The following TMEM260 variants were observed in gnomAD, a reference collection of about 807,000 sequenced individuals.
TMEM260 encodes the protein transmembrane protein 260.
A neutral mutation model predicts 88.9 loss-of-function variants in TMEM260; 82 were observed. That is an observed-to-expected ratio of 0.92 (90% CI 0.77 to 1.11). TMEM260 has a LOEUF of 1.11. TMEM260 is among the 50% of genes least tolerant of loss of function. The pLI is 0.00. For synonymous variants in TMEM260, 314 were observed against 309.3 expected, an observed-to-expected ratio of 1.02 and a Z score of -0.16; for missense variants, 902 against 853.4, an observed-to-expected ratio of 1.06 and a Z score of -0.71.
rs1410174302 is a variant in TMEM260 at position 56,604,080 on chromosome 14, T to A, written c.522+88T>A. On this transcript the variant is annotated intron_variant, in intron 4 of 15. Coordinates refer to ENST00000261556, the MANE Select transcript of TMEM260 (RefSeq NM_017799.4). ...TTTTAACTTTGGCTTAAATACCTTT[T>A]ATCTATTCTGATTACAGTCGGGATA... 3.9e-6 allele frequency: 5 copies of A among 1,297,350 alleles called. No individual in the cohort carries two copies. The East Asian group carries it at 1.2e-4, about 32-fold the overall frequency. The allele number at this position is 1,297,350 out of a possible 1,614,324, so 80.4% of individuals were successfully genotyped here.
chr14:56,585,909 T>A lies in TMEM260; in HGVS notation c.341T>A (p.Phe114Tyr). ...GCATCATTACTTTTTTTCACCGTTT[T>A]CAGGTAAAGTAGTTGATTAGTTAAA... ...VAASLLFFTV[F>Y]RLSGSSAGGI... is the part of the protein sequence containing the mutation. Residue 114 changes from phenylalanine (F) to tyrosine (Y), a missense_variant, in exon 3 of 16, where the codon TTC becomes TAC. Phe to Tyr is a conservative substitution (Grantham distance 22, BLOSUM62 3). Coordinates refer to ENST00000261556, the MANE Select transcript of TMEM260 (RefSeq NM_017799.4). The A allele has an allele frequency of 6.2e-7, 1 of 1,611,982 alleles. No individual in the cohort carries two copies. The highest frequency in any genetic ancestry group is 2.2e-5 in the East Asian group (1 of 44,854).
chr14:56,625,319 TA>T, intron 11 of TMEM260, 62 bp from the exon 12 acceptor site: 1 of 1,556,074 alleles, frequency 6.4e-7, no homozygotes, highest in Non-Finnish European at 8.7e-7. Context: ...CATTACTTGA[TA>T]AACTTGATTC....
At chr14:56,637,615 A>C (rs1349305158) in intron 15 of TMEM260, among the ~76,000 whole-genome samples, 3 of 152,136 alleles carry the variant, frequency 2.0e-5, no homozygotes, top group Non-Finnish European at 4.4e-5. Flanking sequence ...AGAGGGTAGG[A>C]CCTGTATATA....
In TMEM260 at chr14:56,593,983, G is replaced by A. The variant is rs186066340; in HGVS notation, c.344+8071G>A. Reference sequence around the variant, plus strand: ...ATTACAGGCGTGAGCCACCGCGCCCGGCCGTGAGTGTCTTTTATAATACAA... The same window carrying A: ...ATTACAGGCGTGAGCCACCGCGCCCAGCCGTGAGTGTCTTTTATAATACAA... On this transcript the variant is annotated intron_variant, in intron 3 of 15. Transcript: ENST00000261556. Among the ~76,000 whole-genome samples the A allele has an allele frequency of 6.0e-3, 916 of 152,114 alleles. 10 individuals are homozygous for A. The highest frequency in any genetic ancestry group is 0.022 in the African/African-American group (894 of 41,520).
chr14:56,659,725 G>A, the TMEM260 span, among the ~76,000 whole-genome samples: 4 of 152,232 alleles, frequency 2.6e-5, no homozygotes, highest in South Asian at 2.1e-4. Context: ...GAGTGGAGGC[G>A]AAGCACCCTT....
chr14:56,646,366 G>T (rs1177462465), intron 15 of TMEM260, among the ~76,000 whole-genome samples: 2 of 152,186 alleles, frequency 1.3e-5, no homozygotes, highest in African/African-American at 2.4e-5. Flanking sequence ...TTGTTTTTCT[G>T]TGCACTCAGA....
intron 10 of TMEM260, among the ~76,000 whole-genome samples, chr14:56,621,027 G>T (rs1335757249): frequency 2.0e-5 from 3 of 152,146 alleles, no homozygotes. Flanking sequence ...AAGGCAGAGA[G>T]GGACACAGGA....
At chr14:56,606,585 A>G (rs923867236) in intron 5 of TMEM260, among the ~76,000 whole-genome samples, 6 of 152,304 alleles carry the variant, frequency 3.9e-5, no homozygotes, top group East Asian at 1.9e-4. Context: ...AATTTTTACA[A>G]TGTGACTAAA....
At chr14:56,631,725 C>T (rs979154854) in intron 12 of TMEM260, among the ~76,000 whole-genome samples, 6 of 152,142 alleles carry the variant, frequency 3.9e-5, no homozygotes, top group Non-Finnish European at 5.9e-5. Flanking sequence ...AAGGTCATAC[C>T]GGTTAAACTC....
the TMEM260 span, among the ~76,000 whole-genome samples, chr14:56,657,076 C>G: frequency 6.6e-6 from 1 of 152,126 alleles, no homozygotes; most frequent in Non-Finnish European, 1.5e-5. Context: ...AGTCTATTGT[C>G]CCCTGCATTC....
chr14:56,642,294 T>C (rs1204744908), intron 15 of TMEM260, among the ~76,000 whole-genome samples: 3 of 151,884 alleles, frequency 2.0e-5, no homozygotes, highest in African/African-American at 7.3e-5. Flanking sequence ...AGAACAGAAA[T>C]TATAACAAAC....
At chr14:56,638,333 A>G (rs544767817) in intron 15 of TMEM260, 1 of 152,196 alleles carries the variant, frequency 6.6e-6, no homozygotes, top group African/African-American at 2.4e-5. Flanking sequence ...AAAAGAAAAA[A>G]AAAAGGGCTT....
At chr14:56,624,523 C>A (rs1447036834) in intron 11 of TMEM260, among the ~76,000 whole-genome samples, 1 of 152,186 alleles carries the variant, frequency 6.6e-6, no homozygotes, top group Non-Finnish European at 1.5e-5. Context: ...GGGCTGAGAT[C>A]ATGCCACTGT....
chr14:56,591,821 C>G (rs1006594900), intron 3 of TMEM260, among the ~76,000 whole-genome samples: 1 of 152,084 alleles, frequency 6.6e-6, no homozygotes, highest in Non-Finnish European at 1.5e-5. Context: ...TGTTTTCTTC[C>G]ACATATTCAG....
At chr14:56,604,014 G>A in intron 4 of TMEM260, 22 bp downstream of exon 4, 1 of 1,509,682 alleles carries the variant, frequency 6.6e-7, no homozygotes, top group Non-Finnish European at 8.8e-7. Context: ...TGATCAAAGT[G>A]AAATCAGTTT....
downstream of TMEM260, among the ~76,000 whole-genome samples, chr14:56,655,288 G>T (rs993843786): frequency 6.6e-6 from 1 of 151,770 alleles, no homozygotes; most frequent in African/African-American, 2.4e-5. Flanking sequence ...TACTCCGAAG[G>T]CTGAGGCAGA....
chr14:56,583,371 C>T (rs181143574), intron 1 of TMEM260, among the ~76,000 whole-genome samples: 3 of 152,102 alleles, frequency 2.0e-5, no homozygotes, highest in East Asian at 1.9e-4. Flanking sequence ...CTTCAGGTGC[C>T]CTTATAAGGC....
intron 11 of TMEM260, among the ~76,000 whole-genome samples, chr14:56,622,081 C>T (rs938192388): frequency 6.6e-6 from 1 of 152,188 alleles, no homozygotes; most frequent in Admixed American, 6.5e-5. Context: ...CAGTGGCTCA[C>T]GCCTGTAATC....
intron 3 of TMEM260, among the ~76,000 whole-genome samples, chr14:56,589,264 A>G (rs1483664479): frequency 6.6e-6 from 1 of 152,062 alleles, no homozygotes; most frequent in South Asian, 2.1e-4. Flanking sequence ...CGTGTCATTT[A>G]TTTTGGTAGT....
Sources: gnomAD v4.1 joint callset for allele counts (sites outside exome capture counted in the v4.1 genomes callset) on GRCh38, gnomAD v4.1.1 for gene constraint, MANE v1.5 for transcripts, NCBI Gene and HGNC (gene_info 2026-07-23, HGNC 2026-07-21) for gene names.